Variants in MAPRE1 observed in about 807,000 individuals in gnomAD.
MAPRE1 encodes the protein microtubule-associated protein RP/EB family member 1.
A neutral mutation model predicts 32.1 loss-of-function variants in MAPRE1; 5 were observed. The ratio of observed to expected loss-of-function variants is 0.16; its 90% CI spans 0.08 to 0.33. The LOEUF (loss-of-function observed/expected upper bound fraction) is 0.33. MAPRE1 is among the 10% of genes least tolerant of loss of function. MAPRE1 has a pLI of 1.00. For synonymous variants in MAPRE1, 122 were observed against 118.9 expected (o/e 1.03, Z -0.17); for missense variants, 209 against 327.2 (o/e 0.64, Z 2.79).
At chr20:32,845,773 T>G (rs1388862103) in intron 5 of MAPRE1, among the ~76,000 whole-genome samples, 1 of 152,206 alleles carries the variant, frequency 6.6e-6, no homozygotes, top group African/African-American at 2.4e-5. Context: ...CCACTCCACC[T>G]GACATGCTTC....
Position 32,836,739 on chromosome 20 carries a change from G to C in MAPRE1, c.373G>C (p.Asp125His). ...TGCAAACTATGATGGAAAAGACTAT[G>C]ACCCTGTGGCTGCCAGACAAGGTCA... is the stretch of plus-strand genomic sequence containing the variant. Reference protein sequence around the residue: ...FDANYDGKDYDPVAARQGQET... With the variant: ...FDANYDGKDYHPVAARQGQET... The change falls in exon 4 of 7, where the codon GAC (aspartate) becomes CAC (histidine). Residue 125 changes from aspartate to histidine, a missense_variant. This residue lies in a region of MAPRE1 where 106 missense variants were observed against 115.3 expected (regional missense o/e 0.92). Transcript: ENST00000375571. 6.2e-7 allele frequency: 1 copy of C among 1,614,002 alleles called. No individual in the cohort carries two copies. The highest frequency in any genetic ancestry group is 8.5e-7 in the Non-Finnish European group (1 of 1,179,874).
rs778504435 is a variant in MAPRE1 at position 32,825,916 on chromosome 20, A to G, written c.-3-9A>G. 4 of 1,576,758 alleles carry G rather than the reference A, an allele frequency of 2.5e-6. No homozygotes were observed. Among genetic ancestry groups the G allele is most frequent in the Non-Finnish European group, 3.5e-6 (4 of 1,151,444 alleles). On this transcript the variant is annotated splice_polypyrimidine_tract_variant and intron_variant, in intron 1 of 6. Coordinates refer to ENST00000375571, the MANE Select transcript of MAPRE1 (RefSeq NM_012325.3). Reference sequence around the variant, plus strand: ...ACACAGGCCCTTCTCTTTTCTTCCCATGCTTTAGAAGATGGCAGTGAACGT... The same window carrying G: ...ACACAGGCCCTTCTCTTTTCTTCCCGTGCTTTAGAAGATGGCAGTGAACGT...
chr20:32,829,203 C>T (rs113148934), intron 2 of MAPRE1, among the ~76,000 whole-genome samples: 2,363 of 152,244 alleles, frequency 0.016, 54 homozygotes, highest in African/African-American at 0.054. Context: ...TGAGCCACCG[C>T]GCCTGGGTGG....
At position 32,819,968 on chromosome 20, in the gene MAPRE1, AC is replaced by A. The variant is rs1322759278; in HGVS notation, c.-63del. ...GGGCGGGCGGGGTCTGGCGGTTTGA[AC>A]GAGACGAAGACGGAACCGGAGCCGG... On this transcript the variant is annotated 5_prime_UTR_variant, in exon 1 of 7. Coordinates refer to ENST00000375571, the MANE Select transcript of MAPRE1 (RefSeq NM_012325.3). The A allele has an allele frequency of 6.6e-6, 1 of 150,906 alleles. No individual in the cohort carries two copies. The highest frequency in any genetic ancestry group is 2.4e-5 in the African/African-American group (1 of 40,948). The allele number at this position is 150,906 out of a possible 1,614,324, so 9.3% of individuals were successfully genotyped here.
chr20:32,828,904 C>T (rs574613865), intron 2 of MAPRE1, among the ~76,000 whole-genome samples: 1 of 152,040 alleles, frequency 6.6e-6, no homozygotes, highest in South Asian at 2.1e-4. Flanking sequence ...TATAGTGATA[C>T]TGTTTCACTA....
chr20:32,848,653 T>C lies in MAPRE1; in HGVS notation c.751-19T>C. ...AATGGATCTTTCAGTGGCTTTCCCC[T>C]CTCATTTTCCTATTTCAGGAAGGCT... On this transcript the variant is annotated intron_variant, in intron 6 of 6. Transcript: ENST00000375571. 1 of 1,605,622 alleles carries C rather than the reference T, an allele frequency of 6.2e-7. No homozygotes were observed. Among genetic ancestry groups the C allele is most frequent in the Non-Finnish European group, 8.5e-7 (1 of 1,174,760 alleles).
intron 3 of MAPRE1, among the ~76,000 whole-genome samples, chr20:32,834,573 A>G (rs906939315): frequency 3.9e-5 from 6 of 152,006 alleles, no homozygotes; most frequent in African/African-American, 1.4e-4. Context: ...CAAAGGTAGT[A>G]ACACCCCCAA....
chr20:32,830,723 G>A (rs1010397433), intron 2 of MAPRE1, among the ~76,000 whole-genome samples: 1 of 150,374 alleles, frequency 6.7e-6, no homozygotes, highest in South Asian at 2.1e-4. Flanking sequence ...TCTGATCAAG[G>A]AAGTATCTCT....
At chr20:32,827,543 G>A (rs1026130899) in intron 2 of MAPRE1, among the ~76,000 whole-genome samples, 8 of 152,180 alleles carry the variant, frequency 5.3e-5, no homozygotes, top group South Asian at 2.1e-4. Context: ...TATTCAAGCC[G>A]GCTACTGTTC....
At chr20:32,824,265 T>A (rs748206455) in intron 1 of MAPRE1, among the ~76,000 whole-genome samples, 10 of 152,222 alleles carry the variant, frequency 6.6e-5, no homozygotes, top group Non-Finnish European at 8.8e-5. Flanking sequence ...GTAGAATGAG[T>A]GACGGTTGAC....
rs1338937383 is a variant in MAPRE1, at chr20:32,850,137, C to T, written c.*1409C>T. 1.3e-5 allele frequency: 2 copies of T among 152,496 alleles called. No homozygotes were observed. Among genetic ancestry groups the T allele is most frequent in the African/African-American group, 4.8e-5 (2 of 41,392 alleles). The allele number at this position is 152,496 out of a possible 1,614,324, so 9.4% of individuals were successfully genotyped here. A position where few individuals can be genotyped will look rare whatever the true frequency, so the allele number is the denominator to read the frequency against. On this transcript the variant is annotated 3_prime_UTR_variant, in exon 7 of 7. Coordinates refer to ENST00000375571, the MANE Select transcript of MAPRE1 (RefSeq NM_012325.3). ...CTTGTCCTGAAATGTGTGTAGAAAG[C>T]AAGTATTTTATGATAAAAATGTTGT... is the stretch of plus-strand genomic sequence containing the variant.
intron 3 of MAPRE1, among the ~76,000 whole-genome samples, chr20:32,836,311 C>T (rs1810058541): frequency 6.6e-6 from 1 of 152,266 alleles, no homozygotes; most frequent in Non-Finnish European, 1.5e-5. Context: ...CGGACCTACT[C>T]TTTATAGCAT....
At chr20:32,830,104 G>A (rs1410438536) in intron 2 of MAPRE1, among the ~76,000 whole-genome samples, 1 of 152,018 alleles carries the variant, frequency 6.6e-6, no homozygotes, top group African/African-American at 2.4e-5. Flanking sequence ...GAATGTATTC[G>A]GCTCTCCCCT....
At chr20:32,838,238 A>G (rs1011459403) in intron 4 of MAPRE1, among the ~76,000 whole-genome samples, 5 of 152,124 alleles carry the variant, frequency 3.3e-5, no homozygotes, top group African/African-American at 7.2e-5. Context: ...ATGGAGTCAT[A>G]GAGTATGTGA....
At chr20:32,831,503 G>GT (rs1983024588) in intron 2 of MAPRE1, among the ~76,000 whole-genome samples, 1 of 148,296 alleles carries the variant, frequency 6.7e-6, no homozygotes, top group South Asian at 2.1e-4. Flanking sequence ...TTGGTAACCA[G>GT]TTTCATTCAT....
chr20:32,844,114 A>G (rs1455364442), intron 5 of MAPRE1, among the ~76,000 whole-genome samples: 2 of 152,156 alleles, frequency 1.3e-5, no homozygotes, highest in African/African-American at 4.8e-5. Context: ...TTGGCCTCCC[A>G]AGGTGCTGGG....
intron 2 of MAPRE1, among the ~76,000 whole-genome samples, chr20:32,831,246 T>C (rs979943831): frequency 6.6e-6 from 1 of 151,892 alleles, no homozygotes; most frequent in African/African-American, 2.4e-5. Context: ...GAATTTGAGA[T>C]CAGCCTGGGC....
chr20:32,837,895 C>T (rs1402155127), intron 4 of MAPRE1, among the ~76,000 whole-genome samples: 1 of 152,094 alleles, frequency 6.6e-6, no homozygotes, highest in Non-Finnish European at 1.5e-5. Flanking sequence ...ACCAGTCTGG[C>T]CAACATGGTG....
intron 1 of MAPRE1, among the ~76,000 whole-genome samples, chr20:32,823,992 A>G (rs879696433): frequency 2.0e-5 from 3 of 152,204 alleles, no homozygotes; most frequent in Non-Finnish European, 4.4e-5. Flanking sequence ...GGAGAGCCCT[A>G]TCTCTAGAGC....
Sources: gnomAD v4.1 joint callset for allele counts (sites outside exome capture counted in the v4.1 genomes callset) on GRCh38, gnomAD v4.1.1 for gene constraint, gnomAD v4.1.1 regional missense constraint, MANE v1.5 for transcripts, NCBI Gene and HGNC (gene_info 2026-07-23, HGNC 2026-07-21) for gene names.